NFIA: variants seen among roughly 807,000 people sequenced by gnomAD.
The protein encoded by NFIA is nuclear factor I A.
In NFIA, 8 loss-of-function variants were observed where a neutral mutation model predicts 62.8. The observed-to-expected ratio is 0.13, with a 90% confidence interval of 0.07 to 0.23. The LOEUF (loss-of-function observed/expected upper bound fraction) is 0.23. Ranked by LOEUF, NFIA falls within the 10% of genes least tolerant of loss-of-function variation. The probability of loss-of-function intolerance (pLI) is 1.00; values close to 1 mark genes in which losing one functional copy is unlikely to be tolerated. For synonymous variants in NFIA, 235 were observed against 238.1 expected, an observed-to-expected ratio of 0.99 and a Z score of 0.12; for missense variants, 410 against 642.1, an observed-to-expected ratio of 0.64 and a Z score of 3.91.
chr1:61,296,351 C>T (rs1659189139), intron 3 of NFIA, among the ~76,000 whole-genome samples: 1 of 152,102 alleles, frequency 6.6e-6, no homozygotes, highest in African/African-American at 2.4e-5. Context: ...TATGTTCTCC[C>T]CATTGACATT....
chr1:61,105,551 T>C lies in NFIA; in HGVS notation c.559+16871T>C, dbSNP rs548658264. Among the ~76,000 whole-genome samples, 9 of 152,060 alleles carry C rather than the reference T, an allele frequency of 5.9e-5. No individual in the cohort carries two copies. The East Asian group carries it at 1.7e-3, about 29-fold the overall frequency. ...TGGTGCTCGTCTTTTTCTTGTTTGA[T>C]GTTGCTAGTTGAACACATCTCAGGT... On this transcript the variant is annotated intron_variant, in intron 2 of 10. Transcript: ENST00000403491.
intron 2 of NFIA, among the ~76,000 whole-genome samples, chr1:61,220,930 C>G (rs2100617135): frequency 6.6e-6 from 1 of 152,322 alleles, no homozygotes; most frequent in African/African-American, 2.4e-5. Flanking sequence ...TAAATATTCT[C>G]ATCCCTTTCC....
At chr1:61,421,105 C>T (rs1211050155) in intron 9 of NFIA, among the ~76,000 whole-genome samples, 6 of 152,128 alleles carry the variant, frequency 3.9e-5, no homozygotes, top group South Asian at 4.1e-4. Flanking sequence ...CCCAGAGGCC[C>T]GCTCCATCTC....
chr1:61,430,800 C>T (rs908634231), intron 10 of NFIA, among the ~76,000 whole-genome samples: 4 of 152,112 alleles, frequency 2.6e-5, no homozygotes, highest in Non-Finnish European at 5.9e-5. Flanking sequence ...ACATTCCTGC[C>T]GAGTTATCTG....
intron 2 of NFIA, among the ~76,000 whole-genome samples, chr1:61,126,437 A>AAC (rs61077935): frequency 0.16 from 12,136 of 74,736 alleles, 641 homozygotes; most frequent in Middle Eastern, 0.36. Flanking sequence ...TTTGAAAATG[A>AAC]ACACACACAC....
chr1:61,094,839 A>G (rs1646383157), intron 2 of NFIA, among the ~76,000 whole-genome samples: 1 of 152,234 alleles, frequency 6.6e-6, no homozygotes, highest in African/African-American at 2.4e-5. Context: ...ATCTAATGGA[A>G]TTAGTCCTCC....
At position 61,234,260 on chromosome 1, in the gene NFIA, A is replaced by T. The variant is rs530038141; in HGVS notation, c.560-43260A>T. Among the ~76,000 whole-genome samples the T allele has an allele frequency of 2.0e-5, 3 of 151,680 alleles. No individual in the cohort carries two copies. In the South Asian group the frequency reaches 6.3e-4, roughly 32 times the overall value. On this transcript the variant is annotated intron_variant, in intron 2 of 10. Coordinates refer to ENST00000403491, the MANE Select transcript of NFIA (RefSeq NM_001134673.4). The stretch of plus-strand genomic sequence containing the variant: ...CACATGCCTGTAATCCCAGCTACTC[A>T]GGAGGCTGAGGCAGGAGAATCGCTT...
At chr1:61,246,934 C>G (rs1655683860) in intron 2 of NFIA, among the ~76,000 whole-genome samples, 1 of 152,168 alleles carries the variant, frequency 6.6e-6, no homozygotes, top group Non-Finnish European at 1.5e-5. Context: ...GCTCAAGAAT[C>G]CTGAACTCAT....
At chr1:61,444,428 C>T (rs1043946757) in intron 10 of NFIA, among the ~76,000 whole-genome samples, 9 of 152,220 alleles carry the variant, frequency 5.9e-5, no homozygotes, top group African/African-American at 2.2e-4. Context: ...AACTGTAAAA[C>T]ATTCCTTCAC....
intron 2 of NFIA, among the ~76,000 whole-genome samples, chr1:61,183,262 G>C (rs1210157309): frequency 6.6e-6 from 1 of 152,158 alleles, no homozygotes; most frequent in Non-Finnish European, 1.5e-5. Context: ...AATACCTAGG[G>C]ATGGGAATTG....
intron 3 of NFIA, among the ~76,000 whole-genome samples, chr1:61,308,479 C>T (rs1433846090): frequency 2.0e-5 from 3 of 152,144 alleles, no homozygotes; most frequent in Non-Finnish European, 4.4e-5. Flanking sequence ...TGTGTATAAT[C>T]CAGGTTCATG....
chr1:61,206,901 G>A (rs1198540045), intron 2 of NFIA, among the ~76,000 whole-genome samples: 1 of 152,012 alleles, frequency 6.6e-6, no homozygotes, highest in Non-Finnish European at 1.5e-5. Context: ...TGCATATTTG[G>A]GACCAACATA....
At chr1:61,223,142 AT>A (rs1005446024) in intron 2 of NFIA, among the ~76,000 whole-genome samples, 8 of 152,000 alleles carry the variant, frequency 5.3e-5, no homozygotes, top group Non-Finnish European at 8.8e-5. Context: ...TTTAACTGGA[AT>A]TTTTTAACAG....
chr1:61,147,057 A>G lies in NFIA; in HGVS notation c.559+58377A>G, dbSNP rs577463416. Among the ~76,000 whole-genome samples the G allele has an allele frequency of 5.3e-5, 8 of 152,180 alleles. No homozygotes were observed. In the South Asian group the frequency reaches 1.5e-3, roughly 28 times the overall value. On this transcript the variant is annotated intron_variant, in intron 2 of 10. Coordinates refer to ENST00000403491, the MANE Select transcript of NFIA (RefSeq NM_001134673.4). ...GAATATAATTCTGAAGCTCTGCACC[A>G]TTCTTCCCACTGTGTTGCTGTTAAT... is the stretch of plus-strand genomic sequence containing the variant.
intron 2 of NFIA, among the ~76,000 whole-genome samples, chr1:61,249,377 G>A (rs996773685): frequency 5.9e-5 from 9 of 152,184 alleles, no homozygotes; most frequent in African/African-American, 2.2e-4. Flanking sequence ...TAATCTTACT[G>A]TAAGAAAAAT....
chr1:61,428,517 T>C (rs536266069), intron 10 of NFIA, among the ~76,000 whole-genome samples: 1 of 151,978 alleles, frequency 6.6e-6, no homozygotes, highest in Admixed American at 6.6e-5. Flanking sequence ...TGAGAAACTA[T>C]GTTAATGGAG....
At chr1:61,166,534 C>T (rs561929185) in intron 2 of NFIA, among the ~76,000 whole-genome samples, 1 of 152,228 alleles carries the variant, frequency 6.6e-6, no homozygotes, top group South Asian at 2.1e-4. Flanking sequence ...GAAGAAACAC[C>T]TACCAAACTA....
At chr1:61,413,847 C>T (rs1041359432) in intron 9 of NFIA, among the ~76,000 whole-genome samples, 4 of 151,870 alleles carry the variant, frequency 2.6e-5, no homozygotes, top group Non-Finnish European at 4.4e-5. Context: ...AGGCTGGTCT[C>T]GAACTCCTGA....
chr1:61,398,679 T>C (rs1665406354), intron 7 of NFIA, among the ~76,000 whole-genome samples: 2 of 152,230 alleles, frequency 1.3e-5, no homozygotes, highest in African/African-American at 4.8e-5. Flanking sequence ...AAAAGCTTTG[T>C]TATTTAGAAA....
Sources: allele counts gnomAD v4.1 joint callset (sites outside exome capture counted in the v4.1 genomes callset), GRCh38; gene constraint gnomAD v4.1.1; transcripts MANE v1.5; gene names NCBI Gene and HGNC (gene_info 2026-07-23, HGNC 2026-07-21).